The following CCDC77 variants were observed in gnomAD, a reference collection of about 807,000 sequenced individuals.
The protein encoded by CCDC77 is coiled-coil domain-containing protein 77.
In CCDC77, 56 loss-of-function variants were observed where a neutral mutation model predicts 66.8. That is an observed-to-expected ratio of 0.84 (90% CI 0.68 to 1.05). The LOEUF (loss-of-function observed/expected upper bound fraction) is 1.05. Among genes scored for constraint, CCDC77 ranks in the 50% least tolerant of loss-of-function variants. The pLI, the probability that CCDC77 is intolerant of heterozygous loss-of-function variation, is 0.00. For synonymous variants in CCDC77, 196 were observed against 195.2 expected, an observed-to-expected ratio of 1.00 and a Z score of -0.03; for missense variants, 570 against 576.8, an observed-to-expected ratio of 0.99 and a Z score of 0.12.
At chr12:423,481 T>TTTTG (rs1945464497) in intron 5 of CCDC77, among the ~76,000 whole-genome samples, 2 of 33,568 alleles carry the variant, frequency 6.0e-5, no homozygotes, top group Non-Finnish European at 1.2e-4. Flanking sequence ...TTTTTTGTGT[T>TTTTG]TTTTTTTGTT....
chr12:438,291 C>A, intron 9 of CCDC77, 44 bp from the exon 10 acceptor site: 1 of 1,291,268 alleles, frequency 7.7e-7, no homozygotes, highest in Non-Finnish European at 1.1e-6. Flanking sequence ...TTCAGGTGTG[C>A]TGTGTGCGCA....
At chr12:410,869 AT>A (rs1945094802) in intron 3 of CCDC77, among the ~76,000 whole-genome samples, 1 of 151,966 alleles carries the variant, frequency 6.6e-6, no homozygotes, top group African/African-American at 2.4e-5. Flanking sequence ...ATGGTACTAC[AT>A]TTTCTAATTG....
rs1945834026 is a variant in CCDC77, at chr12:440,216, T to A, written c.1042-401T>A. On this transcript the variant is annotated intron_variant, in intron 10 of 12. Transcript: ENST00000239830. ...TGTGAAATAAGTAACATGATCTGAT[T>A]TGGGTTTTTAAAAGATCATTTTAAC... Among the ~76,000 whole-genome samples, 4 of 152,218 alleles carry A rather than the reference T, an allele frequency of 2.6e-5. No homozygotes were observed. The South Asian group carries it at 8.3e-4, about 32-fold the overall frequency.
intron 5 of CCDC77, among the ~76,000 whole-genome samples, chr12:423,494 G>T (rs7398685): frequency 0.44 from 15,161 of 34,138 alleles, 2,479 homozygotes; most frequent in Middle Eastern, 0.53. Context: ...TTTTTGTTTT[G>T]TTTTTTTTTT....
At chr12:391,223 G>C (rs1003408607) in intron 1 of CCDC77, among the ~76,000 whole-genome samples, 1 of 152,060 alleles carries the variant, frequency 6.6e-6, no homozygotes, top group Non-Finnish European at 1.5e-5. Context: ...AGGCCAAGGC[G>C]GGCAGATCAC....
intron 5 of CCDC77, among the ~76,000 whole-genome samples, chr12:423,479 G>GTTTGTTTGTTTTTGTTTTTTTTTTTTTTT (rs1945463533): frequency 4.7e-5 from 1 of 21,232 alleles, no homozygotes; most frequent in African/African-American, 1.6e-4. Context: ...TGTTTTTTGT[G>GTTTGTTTGTTTTTGTTTTTTTTTTTTTTT]TTTTTTTTTG....
intron 5 of CCDC77, among the ~76,000 whole-genome samples, chr12:425,550 G>A (rs182872506): frequency 6.6e-6 from 1 of 152,020 alleles, no homozygotes; most frequent in East Asian, 1.9e-4. Context: ...ATTCCAAAAT[G>A]CGGAGTATGT....
chr12:433,467 A>G lies in CCDC77; in HGVS notation c.821+145A>G, dbSNP rs949204561. The stretch of plus-strand genomic sequence containing the variant: ...GTCTTCCTCAGAAACCCCCGCCTCT[A>G]CGTAGGTGAGTACCTCGCTTTTCCA... On this transcript the variant is annotated intron_variant, in intron 9 of 12. Coordinates refer to ENST00000239830, the MANE Select transcript of CCDC77 (RefSeq NM_032358.4). 54 of 1,436,680 alleles carry G rather than the reference A, an allele frequency of 3.8e-5. 1 individual carries two copies. In the African/African-American group the frequency reaches 7.5e-4, roughly 20 times the overall value. 89.0% of individuals were successfully genotyped at this position (1,436,680 alleles called of 1,614,324 possible).
rs370744667 is a variant in CCDC77, at chr12:411,799, A to G, written c.91A>G (p.Arg31Gly). Residue 31 changes from arginine to glycine, a missense_variant, in exon 4 of 13, where the codon AGG becomes GGG. Arg to Gly is a moderately radical substitution (Grantham distance 125). Coordinates refer to ENST00000239830, the MANE Select transcript of CCDC77 (RefSeq NM_032358.4). Reference protein sequence around the residue: ...GVAVSGPTKRRGMADSLESTP... With the variant: ...GVAVSGPTKRGGMADSLESTP... ...TGCCGTCAGTGGTCCCACCAAGAGG[A>G]GGGGAATGGCAGATTCACTGGAGTC... 2 of 1,613,860 alleles carry G rather than the reference A, an allele frequency of 1.2e-6. No individual in the cohort carries two copies. Among genetic ancestry groups the G allele is most frequent in the Non-Finnish European group, 1.7e-6 (2 of 1,179,976 alleles).
chr12:433,472 G>C, intron 9 of CCDC77, 150 bp downstream of exon 9: 1 of 1,425,698 alleles, frequency 7.0e-7, no homozygotes. Context: ...CCTCTACGTA[G>C]GTGAGTACCT....
chr12:440,830 T>A lies in CCDC77; in HGVS notation c.1168-14T>A. The A allele has an allele frequency of 6.2e-7, 1 of 1,613,268 alleles. No homozygotes were observed. Among genetic ancestry groups the A allele is most frequent in the South Asian group, 1.1e-5 (1 of 91,086 alleles). ...CCTCACCTTCGTAAATGCCTTCCCA[T>A]TCCCCATATTTAGGATCGCACTAAC... On this transcript the variant is annotated splice_polypyrimidine_tract_variant and intron_variant, in intron 11 of 12. Coordinates refer to ENST00000239830, the MANE Select transcript of CCDC77 (RefSeq NM_032358.4).
intron 10 of CCDC77, among the ~76,000 whole-genome samples, chr12:438,860 A>C (rs1945805360): frequency 6.6e-6 from 1 of 151,242 alleles, no homozygotes; most frequent in Non-Finnish European, 1.5e-5. Context: ...TGAGGTCAGG[A>C]GTTCAAGACC....
intron 1 of CCDC77, among the ~76,000 whole-genome samples, chr12:393,254 G>A (rs1944781990): frequency 6.6e-6 from 1 of 151,996 alleles, no homozygotes; most frequent in Non-Finnish European, 1.5e-5. Flanking sequence ...AGGACCACAG[G>A]TGTGCATCGT....
intron 6 of CCDC77, among the ~76,000 whole-genome samples, chr12:429,464 T>C (rs1017392101): frequency 3.0e-5 from 2 of 66,410 alleles, no homozygotes; most frequent in Non-Finnish European, 5.5e-5. Context: ...CAAGAGCTAC[T>C]TTTTTTTTTT....
At chr12:405,949 C>T (rs957941248) in intron 2 of CCDC77, among the ~76,000 whole-genome samples, 3 of 145,326 alleles carry the variant, frequency 2.1e-5, no homozygotes, top group Non-Finnish European at 4.5e-5. Context: ...GAGAGGGTCT[C>T]ACTCTGTCAC....
At chr12:412,241 C>T (rs1945126470) in intron 4 of CCDC77, among the ~76,000 whole-genome samples, 1 of 152,170 alleles carries the variant, frequency 6.6e-6, no homozygotes, top group South Asian at 2.1e-4. Flanking sequence ...TCCTTAACTT[C>T]TTTGTTACCT....
At chr12:429,614 A>G (rs1403457443) in intron 6 of CCDC77, among the ~76,000 whole-genome samples, 1 of 151,934 alleles carries the variant, frequency 6.6e-6, no homozygotes, top group South Asian at 2.1e-4. Context: ...GTACACCACC[A>G]CGCCCAGCTA....
intron 4 of CCDC77, among the ~76,000 whole-genome samples, chr12:414,722 C>T (rs541028304): frequency 5.3e-5 from 8 of 152,218 alleles, no homozygotes; most frequent in East Asian, 3.9e-4. Context: ...TCATTGCCTA[C>T]GGTTCTTCCA....
At chr12:434,355 T>C (rs1945709031) in intron 9 of CCDC77, among the ~76,000 whole-genome samples, 2 of 145,166 alleles carry the variant, frequency 1.4e-5, no homozygotes, top group South Asian at 4.3e-4. Context: ...TTTTCTTTCT[T>C]TTTTTTTTTT....
Sources: allele counts gnomAD v4.1 joint callset (sites outside exome capture counted in the v4.1 genomes callset), GRCh38; gene constraint gnomAD v4.1.1; transcripts MANE v1.5; gene names NCBI Gene and HGNC (gene_info 2026-07-23, HGNC 2026-07-21).